DPT: variants seen among roughly 807,000 people sequenced by gnomAD.
DPT encodes the protein tyrosine-rich acidic matrix protein.
In DPT, 21 loss-of-function variants were observed where a neutral mutation model predicts 31.2. That is an observed-to-expected ratio of 0.67 (90% CI 0.48 to 0.97). DPT has a LOEUF of 0.97. DPT is among the 50% of genes least tolerant of loss of function. DPT has a pLI of 0.00. For synonymous variants in DPT, 91 were observed against 86.9 expected (o/e 1.05, Z -0.26); for missense variants, 262 against 258.8 (o/e 1.01, Z -0.08).
chr1:168,704,601 G>GTT (rs955176203), intron 2 of DPT, among the ~76,000 whole-genome samples: 3 of 152,172 alleles, frequency 2.0e-5, no homozygotes, highest in African/African-American at 7.2e-5. Flanking sequence ...TGGGGTGTGT[G>GTT]TGTGTGTGTG....
Position 168,696,228 on chromosome 1 carries a change from C to G in DPT, c.*321G>C, listed in dbSNP as rs911913840. 2.3e-6 allele frequency: 1 copy of G among 433,292 alleles called. No homozygotes were observed. Among genetic ancestry groups the G allele is most frequent in the Non-Finnish European group, 4.0e-6 (1 of 247,236 alleles). 26.8% of individuals were successfully genotyped at this position (433,292 alleles called of 1,614,324 possible). The stretch of plus-strand genomic sequence containing the variant: ...TTCATTCTGCAGTAAAAAGCAGTAG[C>G]CAGGCTGCAGCTGGTGCTCCAGAAG... On this transcript the variant is annotated 3_prime_UTR_variant, in exon 4 of 4. Coordinates refer to ENST00000367817, the MANE Select transcript of DPT (RefSeq NM_001937.5).
At chr1:168,718,885 C>T (rs1247095950) in intron 1 of DPT, among the ~76,000 whole-genome samples, 1 of 152,126 alleles carries the variant, frequency 6.6e-6, no homozygotes, top group Non-Finnish European at 1.5e-5. Context: ...CCCTTGGCTC[C>T]CCTGTCTCTA....
At chr1:168,714,738 A>G (rs530955885) in intron 1 of DPT, among the ~76,000 whole-genome samples, 3 of 152,378 alleles carry the variant, frequency 2.0e-5, no homozygotes, top group Non-Finnish European at 2.9e-5. Flanking sequence ...TAAAATAAAA[A>G]GAAGACAAAG....
intron 2 of DPT, among the ~76,000 whole-genome samples, chr1:168,708,062 A>G (rs1649762284): frequency 2.0e-5 from 3 of 152,198 alleles, no homozygotes; most frequent in Admixed American, 2.0e-4. Flanking sequence ...TAACCTATGA[A>G]TATCCTCCTG....
chr1:168,699,182 A>G (rs1339102170), intron 3 of DPT, among the ~76,000 whole-genome samples: 1 of 152,186 alleles, frequency 6.6e-6, no homozygotes, highest in Non-Finnish European at 1.5e-5. Flanking sequence ...TAAACAGGGA[A>G]CATAGAACTA....
chr1:168,712,404 T>A (rs1339013052), intron 2 of DPT, among the ~76,000 whole-genome samples: 2 of 152,234 alleles, frequency 1.3e-5, no homozygotes, highest in East Asian at 3.8e-4. Flanking sequence ...CCCTGATGTG[T>A]TCCTTTGGAG....
chr1:168,719,616 G>T (rs1181186172), intron 1 of DPT, among the ~76,000 whole-genome samples: 2 of 152,048 alleles, frequency 1.3e-5, no homozygotes, highest in Admixed American at 1.3e-4. Flanking sequence ...CTTGGAGGGA[G>T]TTTCAGGCCC....
Position 168,713,097 on chromosome 1 carries a change from C to T in DPT, c.431+1124G>A, listed in dbSNP as rs368936793. Among the ~76,000 whole-genome samples, 12 of 152,280 alleles carry T rather than the reference C, an allele frequency of 7.9e-5. No homozygotes were observed. The South Asian group carries it at 1.2e-3, about 16-fold the overall frequency. ...CTTTTTGCCCAAACTGGTGCTCCTTCTACCTCCTCCACTGCAAGAGATCTT... is the reference window on the plus strand; with the variant it reads ...CTTTTTGCCCAAACTGGTGCTCCTTTTACCTCCTCCACTGCAAGAGATCTT... On this transcript the variant is annotated intron_variant, in intron 2 of 3. Coordinates refer to ENST00000367817, the MANE Select transcript of DPT (RefSeq NM_001937.5).
chr1:168,702,132 C>T (rs1459494328), intron 2 of DPT, among the ~76,000 whole-genome samples: 1 of 152,172 alleles, frequency 6.6e-6, no homozygotes, highest in Non-Finnish European at 1.5e-5. Flanking sequence ...AATAGCTCCT[C>T]CAAAGTCTTT....
At position 168,696,033 on chromosome 1, in the gene DPT, A is replaced by G; in HGVS notation, c.*516T>C. Reference sequence around the variant, plus strand: ...CAAAGAGCTCTGCACTTGGATTGCTAAGCATGCATGGCTCATGTGGAGCAG... The same window carrying G: ...CAAAGAGCTCTGCACTTGGATTGCTGAGCATGCATGGCTCATGTGGAGCAG... On this transcript the variant is annotated 3_prime_UTR_variant, in exon 4 of 4. Transcript: ENST00000367817. 1 of 395,546 alleles carries G rather than the reference A, an allele frequency of 2.5e-6. No individual in the cohort carries two copies. Among genetic ancestry groups the G allele is most frequent in the Non-Finnish European group, 4.5e-6 (1 of 224,702 alleles). 24.5% of individuals were successfully genotyped at this position (395,546 alleles called of 1,614,324 possible). A position where few individuals can be genotyped will look rare whatever the true frequency, so the allele number is the denominator to read the frequency against.
At chr1:168,712,243 C>A (rs1014136327) in intron 2 of DPT, among the ~76,000 whole-genome samples, 3 of 152,128 alleles carry the variant, frequency 2.0e-5, no homozygotes, top group African/African-American at 7.2e-5. Context: ...GGCAGAGAGA[C>A]AGAGCCACCA....
intron 1 of DPT, among the ~76,000 whole-genome samples, chr1:168,725,060 A>T (rs1402587480): frequency 6.6e-6 from 1 of 152,084 alleles, no homozygotes; most frequent in African/African-American, 2.4e-5. Context: ...AACTTTTACT[A>T]CCTGCCCATG....
chr1:168,708,823 C>T (rs1649780449), intron 2 of DPT, among the ~76,000 whole-genome samples: 1 of 152,164 alleles, frequency 6.6e-6, no homozygotes, highest in East Asian at 1.9e-4. Flanking sequence ...AACAGCATTA[C>T]AGGAGTGAAC....
At chr1:168,728,471 A>G (rs773227768) in intron 1 of DPT, among the ~76,000 whole-genome samples, 3 of 152,254 alleles carry the variant, frequency 2.0e-5, no homozygotes, top group Non-Finnish European at 4.4e-5. Flanking sequence ...AATTTCTAAA[A>G]AAGAAAAATG....
At chr1:168,723,246 G>A (rs181113358) in intron 1 of DPT, among the ~76,000 whole-genome samples, 2 of 152,354 alleles carry the variant, frequency 1.3e-5, no homozygotes, top group East Asian at 3.9e-4. Flanking sequence ...CCACAGCACT[G>A]TGGAATCAGG....
intron 1 of DPT, among the ~76,000 whole-genome samples, chr1:168,725,255 C>CCTTTCCT (rs1166031843): frequency 3.1e-5 from 1 of 32,472 alleles, no homozygotes. Flanking sequence ...TTTCCTTTCT[C>CCTTTCCT]TTTCCCTTCC....
At chr1:168,728,806 C>A in intron 1 of DPT, 64 bp downstream of exon 1, 1 of 1,569,904 alleles carries the variant, frequency 6.4e-7, no homozygotes. Flanking sequence ...GTCTAGCAGC[C>A]CCCAGGAGGA....
chr1:168,707,686 G>A (rs146586754), intron 2 of DPT, among the ~76,000 whole-genome samples: 2 of 152,266 alleles, frequency 1.3e-5, no homozygotes, highest in East Asian at 1.9e-4. Context: ...TCAAGAGGAC[G>A]GTCACTCTCA....
chr1:168,706,835 C>G (rs1166395109), intron 2 of DPT, among the ~76,000 whole-genome samples: 1 of 152,184 alleles, frequency 6.6e-6, no homozygotes, highest in East Asian at 1.9e-4. Flanking sequence ...AACTCACTGT[C>G]CAAGCCCAGG....
Sources: gnomAD v4.1 joint callset for allele counts (sites outside exome capture counted in the v4.1 genomes callset) on GRCh38, gnomAD v4.1.1 for gene constraint, MANE v1.5 for transcripts, NCBI Gene and HGNC (gene_info 2026-07-23, HGNC 2026-07-21) for gene names.